The following SAAL1 variants were observed in gnomAD, a reference collection of about 807,000 sequenced individuals.
SAAL1 encodes serum amyloid A like 1.
Under a neutral mutation model 59.8 loss-of-function variants are expected in SAAL1, and 42 were observed. That is an observed-to-expected ratio of 0.70 (90% CI 0.55 to 0.91). The LOEUF is 0.91. SAAL1 is among the 40% of genes least tolerant of loss of function. SAAL1 has a pLI of 0.00. For missense variants in SAAL1, 542 were observed against 561.1 expected, an observed-to-expected ratio of 0.97 and a Z score of 0.34; for synonymous variants, 191 against 194.3, an observed-to-expected ratio of 0.98 and a Z score of 0.14.
intron 4 of SAAL1, among the ~76,000 whole-genome samples, chr11:18,092,012 C>T (rs1163401918): frequency 6.6e-6 from 1 of 152,150 alleles, no homozygotes; most frequent in East Asian, 1.9e-4. Context: ...TTGCCACCAG[C>T]TGACAATTCA....
chr11:18,094,432 C>A (rs914195008), intron 3 of SAAL1, among the ~76,000 whole-genome samples: 1 of 152,112 alleles, frequency 6.6e-6, no homozygotes, highest in Non-Finnish European at 1.5e-5. Context: ...TTGCAACCAT[C>A]CCCCATGTAT....
At chr11:18,082,778 T>A (rs1425091032) in intron 10 of SAAL1, among the ~76,000 whole-genome samples, 1 of 152,028 alleles carries the variant, frequency 6.6e-6, no homozygotes, top group Non-Finnish European at 1.5e-5. Flanking sequence ...ATCACAGGCG[T>A]GTGCCACCAT....
At chr11:18,101,899 C>CAAA (rs1848638276) in intron 2 of SAAL1, among the ~76,000 whole-genome samples, 1 of 148,488 alleles carries the variant, frequency 6.7e-6, no homozygotes, top group East Asian at 2.0e-4. Context: ...AGAGCCAGAC[C>CAAA]AAAAAAAGCA....
intron 11 of SAAL1, among the ~76,000 whole-genome samples, chr11:18,080,802 A>G (rs1461855561): frequency 6.6e-6 from 1 of 152,202 alleles, no homozygotes; most frequent in African/African-American, 2.4e-5. Context: ...TAATGGTAGG[A>G]AATGTGATGT....
Position 18,081,725 on chromosome 11 carries a change from A to G in SAAL1, c.1240-222T>C, listed in dbSNP as rs139204861. On this transcript the variant is annotated intron_variant, in intron 10 of 11. Transcript: ENST00000524803. ...CACCACCATCCACCCTGCTACACAGACTACAAACTTGGAACACAGCCAAGA... is the reference window on the plus strand; with the variant it reads ...CACCACCATCCACCCTGCTACACAGGCTACAAACTTGGAACACAGCCAAGA... The G allele has an allele frequency of 7.6e-5, 37 of 484,858 alleles. No individual in the cohort carries two copies. In the East Asian group the frequency reaches 1.2e-3, roughly 15 times the overall value. 30.0% of individuals were successfully genotyped at this position (484,858 alleles called of 1,614,324 possible).
rs759068769 is a variant in SAAL1, at chr11:18,083,544, T to C, written c.1230A>G (p.Ala410=). ...LCEFLSNIFQ[A]LTKETVAQGV... ...AATACTTCTTTCCTACCTTTGTTAATGCCTGAAAAATATTAGAAAGAAATT... is the reference window on the plus strand; with the variant it reads ...AATACTTCTTTCCTACCTTTGTTAACGCCTGAAAAATATTAGAAAGAAATT... Residue 410 remains alanine, a synonymous_variant, in exon 10 of 12, where the codon GCA becomes GCG. Transcript: ENST00000524803. 1 of 1,565,408 alleles carries C rather than the reference T, an allele frequency of 6.4e-7. No individual in the cohort carries two copies. The highest frequency in any genetic ancestry group is 8.8e-7 in the Non-Finnish European group (1 of 1,138,740).
chr11:18,087,322 C>G (rs934392238), intron 7 of SAAL1, 97 bp from the exon 8 acceptor site: 1 of 776,348 alleles, frequency 1.3e-6, no homozygotes, highest in African/African-American at 1.7e-5. Context: ...CTCTGCCAGC[C>G]ACTGTTCAAG....
intron 3 of SAAL1, among the ~76,000 whole-genome samples, chr11:18,094,444 CCA>C (rs1363665897): frequency 2.0e-5 from 3 of 152,050 alleles, no homozygotes; most frequent in African/African-American, 7.2e-5. Flanking sequence ...CCCATGTATA[CCA>C]AGGGACAACT....
At chr11:18,086,277 C>T (rs1293088773) in intron 9 of SAAL1, among the ~76,000 whole-genome samples, 1 of 152,138 alleles carries the variant, frequency 6.6e-6, no homozygotes, top group Non-Finnish European at 1.5e-5. Flanking sequence ...CGTCATGTGC[C>T]TGTAGTCCCA....
intron 3 of SAAL1, among the ~76,000 whole-genome samples, chr11:18,095,335 A>T (rs1245305244): frequency 2.0e-5 from 3 of 152,244 alleles, no homozygotes; most frequent in Non-Finnish European, 4.4e-5. Context: ...TCAGTATAAA[A>T]ATAGCATAAT....
At chr11:18,103,012 G>A (rs139062167) in intron 2 of SAAL1, among the ~76,000 whole-genome samples, 48 of 152,280 alleles carry the variant, frequency 3.2e-4, no homozygotes, top group Non-Finnish European at 5.1e-4. Context: ...TAAGAGCTAC[G>A]TATTTAGTCC....
rs1848432739 is a variant in SAAL1 at position 18,083,606 on chromosome 11, C to T, written c.1168G>A (p.Asp390Asn). 6 of 1,604,482 alleles carry T rather than the reference C, an allele frequency of 3.7e-6. No individual in the cohort carries two copies. Among genetic ancestry groups the T allele is most frequent in the Non-Finnish European group, 5.1e-6 (6 of 1,172,022 alleles). ...TCCTTTAAGATTTTCAAGTGGAAATCATCTTGGGTTAAATCAGTCCTTTTA... is the reference window on the plus strand; with the variant it reads ...TCCTTTAAGATTTTCAAGTGGAAATTATCTTGGGTTAAATCAGTCCTTTTA... ...ETKRTDLTQD[D>N]FHLKILKDIL... Residue 390 changes from aspartate (D) to asparagine (N), a missense_variant, in exon 10 of 12, where the codon GAT becomes AAT. By Grantham distance (23) the Asp-to-Asn change is conservative. Transcript: ENST00000524803.
rs1270473169 is a variant in SAAL1 at position 18,083,743 on chromosome 11, A to C, written c.1043-12T>G. 2 of 1,565,222 alleles carry C rather than the reference A, an allele frequency of 1.3e-6. No individual in the cohort carries two copies. Among genetic ancestry groups the C allele is most frequent in the East Asian group, 2.3e-5 (1 of 44,394 alleles). On this transcript the variant is annotated splice_polypyrimidine_tract_variant and intron_variant, in intron 9 of 11. Transcript: ENST00000524803. ...TAGAGGAAGATCTACTGTATAAACAAATCAAGAAGCATGGAATTGGCCAGT... is the reference window on the plus strand; with the variant it reads ...TAGAGGAAGATCTACTGTATAAACACATCAAGAAGCATGGAATTGGCCAGT...
rs745614572 is a variant in SAAL1 at position 18,106,045 on chromosome 11, T to C, written c.-4A>G. The C allele has an allele frequency of 6.3e-7, 1 of 1,598,878 alleles. No homozygotes were observed. Among genetic ancestry groups the C allele is most frequent in the South Asian group, 1.1e-5 (1 of 90,066 alleles). ...GCGGCGAGGGGTTGCGGTCCATGAC[T>C]TTGTCGCGTCCCGCGCTTGAAGGCC... On this transcript the variant is annotated 5_prime_UTR_variant, in exon 1 of 12. Transcript: ENST00000524803.
intron 2 of SAAL1, among the ~76,000 whole-genome samples, chr11:18,097,659 T>C (rs915862587): frequency 6.6e-6 from 1 of 151,148 alleles, no homozygotes; most frequent in African/African-American, 2.4e-5. Flanking sequence ...GCAAACATAG[T>C]GAAAACCCAT....
chr11:18,090,120 C>T, intron 6 of SAAL1, 55 bp downstream of exon 6: 1 of 1,455,680 alleles, frequency 6.9e-7, no homozygotes, highest in South Asian at 1.3e-5. Context: ...ACATGGTTTC[C>T]TAAAAATTAG....
chr11:18,080,465 A>T lies in SAAL1; in HGVS notation c.1359T>A (p.Arg453=). 1 of 1,585,312 alleles carries T rather than the reference A, an allele frequency of 6.3e-7. No homozygotes were observed. Among genetic ancestry groups the T allele is most frequent in the Non-Finnish European group, 8.5e-7 (1 of 1,172,912 alleles). Reference sequence around the variant, plus strand: ...CATCAGCAAGCGCCTTATCAACTTCACGTAGGATTTTAATAAAATCTTCCA... The same window carrying T: ...CATCAGCAAGCGCCTTATCAACTTCTCGTAGGATTTTAATAAAATCTTCCA... ...PVVEDFIKIL[R]EVDKALADDL... Residue 453 remains arginine (R), a synonymous_variant, in exon 12 of 12, where the codon CGT becomes CGA. Transcript: ENST00000524803.
chr11:18,099,281 T>C (rs1266989995), intron 2 of SAAL1, among the ~76,000 whole-genome samples: 3 of 152,228 alleles, frequency 2.0e-5, no homozygotes, highest in Non-Finnish European at 4.4e-5. Context: ...AGCGAGACTA[T>C]GTTCTTAACC....
chr11:18,096,011 G>A (rs7937049), intron 3 of SAAL1, among the ~76,000 whole-genome samples: 12,587 of 152,270 alleles, frequency 0.083, 539 homozygotes, highest in Middle Eastern at 0.14. Flanking sequence ...CTGGAAAGAT[G>A]AGTTAGGTTC....
Sources: gnomAD v4.1 joint callset for allele counts (sites outside exome capture counted in the v4.1 genomes callset) on GRCh38, gnomAD v4.1.1 for gene constraint, MANE v1.5 for transcripts, NCBI Gene and HGNC (gene_info 2026-07-23, HGNC 2026-07-21) for gene names.